The following DHRSX variants were observed in gnomAD, a reference collection of about 807,000 sequenced individuals.
The protein encoded by DHRSX is polyprenol dehydrogenase.
Under a neutral mutation model 34.0 loss-of-function variants are expected in DHRSX, and 31 were observed. That is an observed-to-expected ratio of 0.91 (90% CI 0.69 to 1.23). The LOEUF is 1.23. DHRSX is among the 50% of genes most tolerant of loss of function. The pLI is 0.00. For missense variants in DHRSX, 414 were observed against 428.1 expected, an observed-to-expected ratio of 0.97 and a Z score of 0.29; for synonymous variants, 201 against 183.8, an observed-to-expected ratio of 1.09 and a Z score of -0.76.
chrX:2,361,737 T>C (rs2042936572), intron 3 of DHRSX, among the ~76,000 whole-genome samples: 1 of 152,178 alleles, frequency 6.6e-6, no homozygotes, highest in African/African-American at 2.4e-5. Context: ...ATACAGAACA[T>C]GGCATGATTC....
intron 1 of DHRSX, among the ~76,000 whole-genome samples, chrX:2,441,002 G>A (rs1478515832): frequency 6.6e-6 from 1 of 152,168 alleles, no homozygotes; most frequent in Non-Finnish European, 1.5e-5. Context: ...TACAGACGAC[G>A]CAGACGGCAC....
At chrX:2,326,416 G>C (rs1459676466) in intron 3 of DHRSX, among the ~76,000 whole-genome samples, 1 of 152,018 alleles carries the variant, frequency 6.6e-6, no homozygotes, top group South Asian at 2.1e-4. Flanking sequence ...CCAGCTACTC[G>C]GGAGGCTGAG....
At chrX:2,224,631 C>A (rs147144672) in intron 6 of DHRSX, among the ~76,000 whole-genome samples, 2 of 152,180 alleles carry the variant, frequency 1.3e-5, no homozygotes, top group Admixed American at 1.3e-4. Context: ...TATTCATGTG[C>A]GCATGGTCAC....
chrX:2,468,144 G>C (rs1212409472), intron 1 of DHRSX, among the ~76,000 whole-genome samples: 1 of 151,968 alleles, frequency 6.6e-6, no homozygotes, highest in East Asian at 1.9e-4. Context: ...GATGCGATGG[G>C]GGCATCTCCA....
chrX:2,416,194 CCTAA>C (rs1368237627), intron 2 of DHRSX, among the ~76,000 whole-genome samples: 1 of 151,682 alleles, frequency 6.6e-6, no homozygotes, highest in Non-Finnish European at 1.5e-5. Context: ...CTCATTATAG[CCTAA>C]CTAAGTCTCA....
intron 1 of DHRSX, among the ~76,000 whole-genome samples, chrX:2,485,819 G>GGGAGA (rs1415964207): frequency 5.5e-5 from 4 of 73,360 alleles, no homozygotes; most frequent in South Asian, 7.7e-4. Flanking sequence ...AGGGAGAGAA[G>GGGAGA]GAAGGAAGGG....
At chrX:2,336,108 A>C (rs985982517) in intron 3 of DHRSX, among the ~76,000 whole-genome samples, 2 of 151,698 alleles carry the variant, frequency 1.3e-5, no homozygotes, top group African/African-American at 4.8e-5. Context: ...CTCAATTTCA[A>C]GCCATTCTCC....
chrX:2,236,440 T>C (rs1026041475), intron 6 of DHRSX, among the ~76,000 whole-genome samples: 4 of 152,042 alleles, frequency 2.6e-5, no homozygotes, highest in African/African-American at 9.7e-5. Flanking sequence ...TCTTATTTTT[T>C]CTTTTTTTGA....
intron 3 of DHRSX, among the ~76,000 whole-genome samples, chrX:2,354,183 AG>A (rs2042821078): frequency 6.6e-6 from 1 of 152,166 alleles, no homozygotes; most frequent in African/African-American, 2.4e-5. Flanking sequence ...TAGTGGTTCC[AG>A]CCACTGGAAA....
intron 3 of DHRSX, among the ~76,000 whole-genome samples, chrX:2,319,808 G>C (rs1240378666): frequency 6.6e-6 from 1 of 151,892 alleles, no homozygotes; most frequent in African/African-American, 2.4e-5. Flanking sequence ...CCTAACCCCC[G>C]TGTTGTTCAA....
At chrX:2,298,601 TAC>T (rs747078260) in intron 3 of DHRSX, among the ~76,000 whole-genome samples, 37,486 of 131,408 alleles carry the variant, frequency 0.29, 5,980 homozygotes, top group East Asian at 0.62. Flanking sequence ...GGCGCGTGTG[TAC>T]ACACACACAC....
chrX:2,312,562 A>C (rs1488003087), intron 3 of DHRSX, among the ~76,000 whole-genome samples: 3 of 151,698 alleles, frequency 2.0e-5, no homozygotes, highest in African/African-American at 7.3e-5. Flanking sequence ...CATCACACAC[A>C]GGGGTCTTTC....
At chrX:2,394,193 G>A (rs1785923162) in intron 3 of DHRSX, among the ~76,000 whole-genome samples, 1 of 152,184 alleles carries the variant, frequency 6.6e-6, no homozygotes, top group Admixed American at 6.5e-5. Flanking sequence ...ACAGGGCGCC[G>A]GAGGAGAGGG....
intron 1 of DHRSX, among the ~76,000 whole-genome samples, chrX:2,438,974 G>A (rs143352873): frequency 0.036 from 5,512 of 151,634 alleles, 187 homozygotes; most frequent in Middle Eastern, 0.095. Flanking sequence ...GTAAAACCCT[G>A]TCTCTACTAA....
chrX:2,313,277 G>C (rs1466681792), intron 3 of DHRSX, among the ~76,000 whole-genome samples: 7 of 151,850 alleles, frequency 4.6e-5, no homozygotes, highest in African/African-American at 2.4e-5. Context: ...AAATGTGCTG[G>C]GATTACAGGC....
chrX:2,457,501 A>T (rs2044318713), intron 1 of DHRSX, among the ~76,000 whole-genome samples: 1 of 149,186 alleles, frequency 6.7e-6, no homozygotes, highest in South Asian at 2.2e-4. Context: ...GCCAAGGGAC[A>T]GCACTCAAGA....
intron 3 of DHRSX, among the ~76,000 whole-genome samples, chrX:2,385,039 G>T (rs2043254362): frequency 6.6e-6 from 1 of 152,010 alleles, no homozygotes; most frequent in African/African-American, 2.4e-5. Flanking sequence ...GAAGGCGGAG[G>T]TTGTAGTGAG....
intron 5 of DHRSX, among the ~76,000 whole-genome samples, chrX:2,246,750 A>AAGAAAGAG (rs1204935283): frequency 1.6e-4 from 17 of 108,366 alleles, no homozygotes; most frequent in African/African-American, 6.5e-4. Context: ...GAAAGAAAGA[A>AAGAAAGAG]AAAGAAAGAA....
chrX:2,307,789 T>TAAAAA (rs747096554), intron 3 of DHRSX, among the ~76,000 whole-genome samples: 1 of 103,640 alleles, frequency 9.6e-6, no homozygotes, highest in Non-Finnish European at 2.2e-5. Flanking sequence ...GTAATAAAAA[T>TAAAAA]AAAAAAAATA....
Sources: gnomAD v4.1 joint callset for allele counts (sites outside exome capture counted in the v4.1 genomes callset) on GRCh38, gnomAD v4.1.1 for gene constraint, MANE v1.5 for transcripts, NCBI Gene and HGNC (gene_info 2026-07-23, HGNC 2026-07-21) for gene names.